HSPA4: variants seen among roughly 807,000 people sequenced by gnomAD.
The protein encoded by HSPA4 is heat shock protein family A (Hsp70) member 4.
Under a neutral mutation model 106.2 loss-of-function variants are expected in HSPA4, and 25 were observed. The ratio of observed to expected loss-of-function variants is 0.24; its 90% CI spans 0.17 to 0.33. HSPA4 has a LOEUF of 0.33. Among genes scored for constraint, HSPA4 ranks in the 10% least tolerant of loss-of-function variants. HSPA4 has a pLI of 1.00. For missense variants in HSPA4, 841 were observed against 996.0 expected (o/e 0.84, Z 2.10); for synonymous variants, 332 against 333.6 (o/e 1.00, Z 0.05).
At chr5:133,099,146 T>C (rs1162703550) in intron 15 of HSPA4, among the ~76,000 whole-genome samples, 4 of 152,108 alleles carry the variant, frequency 2.6e-5, no homozygotes, top group Non-Finnish European at 5.9e-5. Context: ...CTTATTTTTT[T>C]TGAAATGGAG....
intron 4 of HSPA4, among the ~76,000 whole-genome samples, chr5:133,071,291 A>AG (rs1347733426): frequency 6.7e-6 from 1 of 150,200 alleles, no homozygotes; most frequent in African/African-American, 2.4e-5. Context: ...TACCAAAAAA[A>AG]AAAAAAAAAA....
chr5:133,104,071 T>C, intron 18 of HSPA4, 45 bp downstream of exon 18: 1 of 1,517,752 alleles, frequency 6.6e-7, no homozygotes, highest in Non-Finnish European at 9.1e-7. Context: ...GACAGCCTTA[T>C]TATTAATAGT....
At chr5:133,053,331 T>C (rs959058116) in intron 1 of HSPA4, among the ~76,000 whole-genome samples, 42 of 144,822 alleles carry the variant, frequency 2.9e-4, no homozygotes, top group Non-Finnish European at 3.3e-4. Flanking sequence ...CTCTCTTCTT[T>C]TTTTTTTTTT....
intron 2 of HSPA4, among the ~76,000 whole-genome samples, chr5:133,066,628 A>C (rs1287716180): frequency 1.3e-5 from 2 of 151,696 alleles, no homozygotes; most frequent in African/African-American, 4.8e-5. Flanking sequence ...ACTACAAATA[A>C]TACTCTCCCA....
chr5:133,103,972 G>T lies in HSPA4; in HGVS notation c.2265G>T (p.Gln755His), dbSNP rs1457908733. The T allele has an allele frequency of 6.2e-7, 1 of 1,613,898 alleles. No homozygotes were observed. Among genetic ancestry groups the T allele is most frequent in the Non-Finnish European group, 8.5e-7 (1 of 1,179,982 alleles). Residue 755 changes from glutamine (Q) to histidine (H), a missense_variant, in exon 18 of 19, where the codon CAG becomes CAT. Physicochemically the swap from Gln to His is conservative, Grantham distance 24 (BLOSUM62 0). This residue lies in a region of HSPA4 where 328 missense variants were observed against 372.2 expected (regional missense o/e 0.88). Coordinates refer to ENST00000304858, the MANE Select transcript of HSPA4 (RefSeq NM_002154.4). ...MNNKLNLQNK[Q>H]SLTMDPVVKS... ...ACAAGCTAAATCTGCAGAACAAGCA[G>T]AGTTTGACCATGGATCCAGTTGTCA...
chr5:133,100,974 T>G (rs1013500681), intron 16 of HSPA4, among the ~76,000 whole-genome samples: 1 of 152,136 alleles, frequency 6.6e-6, no homozygotes, highest in African/African-American at 2.4e-5. Flanking sequence ...CCTGGCTGTT[T>G]TAATTTTTTT....
rs747012950 is a variant in HSPA4 at position 133,085,489 on chromosome 5, T to TAAA, written c.909-1282_909-1280dup. On this transcript the variant is annotated intron_variant, in intron 7 of 18. Transcript: ENST00000304858. ...CAACATGGTGAAATCCCATCTCTAC[T>TAAA]AAAAAAAAAAAAATACAAAATTAGC... Among the ~76,000 whole-genome samples the TAAA allele has an allele frequency of 3.6e-4, 40 of 110,272 alleles. 1 individual carries two copies. The highest frequency in any genetic ancestry group is 5.4e-4 in the Non-Finnish European group (32 of 59,428). 72.3% of individuals were successfully genotyped at this position (110,272 alleles called of 152,430 possible). A position where few individuals can be genotyped will look rare whatever the true frequency, so the allele number is the denominator to read the frequency against.
rs888552397 is a variant in HSPA4 at position 133,090,387 on chromosome 5, C to T, written c.1378+692C>T. Among the ~76,000 whole-genome samples, 8 of 142,000 alleles carry T rather than the reference C, an allele frequency of 5.6e-5. No homozygotes were observed. The East Asian group carries it at 6.4e-4, about 11-fold the overall frequency. 93.2% of individuals were successfully genotyped at this position (142,000 alleles called of 152,430 possible). On this transcript the variant is annotated intron_variant, in intron 11 of 18. Transcript: ENST00000304858. ...CAGAGCTTGCAGTGAGCTGAGATCA[C>T]GCCACTGCACTCCAGCCTAGGCGAC...
chr5:133,093,118 A>T (rs1249332873), intron 13 of HSPA4, among the ~76,000 whole-genome samples: 3 of 151,778 alleles, frequency 2.0e-5, no homozygotes, highest in African/African-American at 7.3e-5. Context: ...GGCGTGAGCC[A>T]CCACACCCGG....
intron 14 of HSPA4, among the ~76,000 whole-genome samples, chr5:133,096,541 A>G (rs1765714234): frequency 6.6e-6 from 1 of 152,170 alleles, no homozygotes; most frequent in Non-Finnish European, 1.5e-5. Context: ...ATACGTGGGT[A>G]TATTTGTTCA....
chr5:133,072,397 T>TTTGTTTTTTGTTTG (rs1765393984), intron 4 of HSPA4, among the ~76,000 whole-genome samples: 2 of 135,980 alleles, frequency 1.5e-5, no homozygotes, highest in African/African-American at 5.7e-5. Context: ...GGGTTGTTTT[T>TTTGTTTTTTGTTTG]TTTTTTTTTT....
intron 15 of HSPA4, among the ~76,000 whole-genome samples, 171 bp from the exon 16 acceptor site, chr5:133,099,374 C>T (rs943405694): frequency 7.2e-5 from 11 of 152,086 alleles, no homozygotes; most frequent in Non-Finnish European, 1.5e-5. Flanking sequence ...CTCAGGTGAT[C>T]CACCTGCCTC....
chr5:133,089,783 G>A, intron 11 of HSPA4, 88 bp downstream of exon 11: 4 of 1,068,314 alleles, frequency 3.7e-6, no homozygotes, highest in African/African-American at 1.6e-5. Context: ...AAAGGCTAAG[G>A]TGGGAGGATC....
chr5:133,097,080 C>T, intron 14 of HSPA4, 81 bp from the exon 15 acceptor site: 1 of 1,155,618 alleles, frequency 8.7e-7, no homozygotes, highest in South Asian at 1.5e-5. Flanking sequence ...AAGAAAGAGT[C>T]TCTACTTTTA....
chr5:133,091,409 C>G, intron 12 of HSPA4, 35 bp downstream of exon 12: 1 of 1,518,078 alleles, frequency 6.6e-7, no homozygotes, highest in Non-Finnish European at 9.0e-7. Context: ...TGTGATGGCC[C>G]AGAGGTGACT....
chr5:133,072,334 A>G (rs1266541388), intron 4 of HSPA4, among the ~76,000 whole-genome samples: 1 of 151,870 alleles, frequency 6.6e-6, no homozygotes, highest in Middle Eastern at 3.4e-3. Flanking sequence ...AACAGGTTGT[A>G]ACAATACGGG....
intron 10 of HSPA4, 27 bp from the exon 11 acceptor site, chr5:133,089,535 G>T: frequency 6.2e-7 from 1 of 1,607,644 alleles, no homozygotes; most frequent in Non-Finnish European, 8.5e-7. Context: ...TCCTGAATTT[G>T]TGTTTTTGTC....
chr5:133,052,457 G>A (rs1354273343), intron 1 of HSPA4, 100 bp downstream of exon 1: 19 of 826,906 alleles, frequency 2.3e-5, no homozygotes, highest in Non-Finnish European at 3.5e-5. Context: ...CCGAGGAGTC[G>A]CCTCCGTTCC....
At chr5:133,074,303 A>C (rs1188737770) in intron 6 of HSPA4, among the ~76,000 whole-genome samples, 177 bp downstream of exon 6, 1 of 143,904 alleles carries the variant, frequency 6.9e-6, no homozygotes, top group Admixed American at 7.1e-5. Flanking sequence ...TTTGAGATAG[A>C]GTTTCGCTCT....
Sources: gnomAD v4.1 joint callset for allele counts (sites outside exome capture counted in the v4.1 genomes callset) on GRCh38, gnomAD v4.1.1 for gene constraint, gnomAD v4.1.1 regional missense constraint, MANE v1.5 for transcripts, NCBI Gene and HGNC (gene_info 2026-07-23, HGNC 2026-07-21) for gene names.